NF1: variants seen among roughly 807,000 people sequenced by gnomAD.
The protein encoded by NF1 is neurofibromin 1, also known as neurofibromin.
NF1 carries 122 observed loss-of-function variants against 325.7 expected under a neutral mutation model. That is an observed-to-expected ratio of 0.37 (90% confidence interval 0.32 to 0.44). The LOEUF is 0.44. Ranked by LOEUF, NF1 falls within the 20% of genes least tolerant of loss-of-function variation. NF1 has a pLI of 1.00. For missense variants in NF1, 2,140 were observed against 3,415.4 expected (o/e 0.63, Z 9.31); for synonymous variants, 1,091 against 1,186.0 (o/e 0.92, Z 1.65).
intron 36 of NF1, among the ~76,000 whole-genome samples, chr17:31,300,645 T>G (rs1278383622): frequency 6.6e-6 from 1 of 152,154 alleles, no homozygotes; most frequent in Non-Finnish European, 1.5e-5. Flanking sequence ...TGTTTGCCAG[T>G]AAATCTTTGA....
At chr17:31,231,114 TA>T (rs577557946) in intron 24 of NF1, among the ~76,000 whole-genome samples, 189 bp downstream of exon 24, 7 of 152,168 alleles carry the variant, frequency 4.6e-5, no homozygotes, top group Non-Finnish European at 8.8e-5. Flanking sequence ...TCAGTAAAAT[TA>T]AATGTGAAAG....
chr17:31,251,361 A>G (rs1228251500), intron 30 of NF1: 1 of 204,624 alleles, frequency 4.9e-6, no homozygotes, highest in African/African-American at 2.3e-5. Flanking sequence ...TTTTGAGTTC[A>G]TATCTTGGCC....
chr17:31,110,499 A>G (rs908073754), intron 1 of NF1, among the ~76,000 whole-genome samples: 1 of 152,164 alleles, frequency 6.6e-6, no homozygotes, highest in African/African-American at 2.4e-5. Flanking sequence ...AATAGAGGAA[A>G]TAGACAGCTC....
intron 47 of NF1, among the ~76,000 whole-genome samples, chr17:31,342,408 G>A (rs1226803869): frequency 6.6e-6 from 1 of 152,132 alleles, no homozygotes; most frequent in Non-Finnish European, 1.5e-5. Context: ...GACCAGCCTG[G>A]CCAACATGGT....
rs571049597 is a variant in NF1 at position 31,152,224 on chromosome 17, G to T, written c.61-3759G>T. Among the ~76,000 whole-genome samples, 33 of 151,648 alleles carry T rather than the reference G, an allele frequency of 2.2e-4. No homozygotes were observed. The East Asian group carries it at 6.0e-3, about 28-fold the overall frequency. On this transcript the variant is annotated intron_variant, in intron 1 of 57. Coordinates refer to ENST00000358273, the MANE Select transcript of NF1 (RefSeq NM_001042492.3). ...CCTCTTTCTGCCTGTAAGTTCAAAAGATTTTTTTTTTCTTGTTCACGGAAG... is the reference window on the plus strand; with the variant it reads ...CCTCTTTCTGCCTGTAAGTTCAAAATATTTTTTTTTTCTTGTTCACGGAAG...
chr17:31,142,387 T>TA lies in NF1; in HGVS notation c.61-13590dup, dbSNP rs555200672. On this transcript the variant is annotated intron_variant, in intron 1 of 57. Coordinates refer to ENST00000358273, the MANE Select transcript of NF1 (RefSeq NM_001042492.3). ...GAGAAACTCATAAAAGTAAAAATTTTAAAAAATCACCTTATTCTTACCTCT... is the reference window on the plus strand; with the variant it reads ...GAGAAACTCATAAAAGTAAAAATTTTAAAAAAATCACCTTATTCTTACCTCT... Among the ~76,000 whole-genome samples the TA allele has an allele frequency of 7.8e-3, 1,190 of 152,290 alleles. 21 individuals carry two copies. Among genetic ancestry groups the TA allele is most frequent in the African/African-American group, 0.027 (1,140 of 41,550 alleles).
chr17:31,302,200 C>T (rs1335365064), intron 36 of NF1, among the ~76,000 whole-genome samples: 1 of 152,076 alleles, frequency 6.6e-6, no homozygotes, highest in Non-Finnish European at 1.5e-5. Context: ...TCCTGTTATA[C>T]AAAGAACAGA....
intron 27 of NF1, among the ~76,000 whole-genome samples, chr17:31,235,296 T>A (rs1413832967): frequency 6.6e-6 from 1 of 152,242 alleles, no homozygotes; most frequent in Non-Finnish European, 1.5e-5. Flanking sequence ...ATCTTCTGTT[T>A]CTGCTCTCTT....
chr17:31,328,819 AATCAAGAT>A (rs1255741303), intron 38 of NF1, among the ~76,000 whole-genome samples: 4 of 152,230 alleles, frequency 2.6e-5, no homozygotes, highest in African/African-American at 9.6e-5. Flanking sequence ...AAAAGAAGAA[AATCAAGAT>A]ATGTTTACTT....
rs2067663223 is a variant in NF1, at chr17:31,260,398, C to T, written c.4460C>T (p.Pro1487Leu). ...RFFLDIASDCPTSDAVNHSLS... is the reference protein window; with the variant it reads ...RFFLDIASDCLTSDAVNHSLS... ...TTCCTTGATATAGCATCTGATTGTCCTACAAGTGATGCAGTAAATCATAGT... is the reference window on the plus strand; with the variant it reads ...TTCCTTGATATAGCATCTGATTGTCTTACAAGTGATGCAGTAAATCATAGT... Residue 1487 changes from proline to leucine, a missense_variant, in exon 34 of 58, where the codon CCT becomes CTT. Around this residue, in one of 10 missense-constraint regions of NF1, gnomAD observed 336 missense variants for 399.0 expected, o/e 0.84. Transcript: ENST00000358273. 1 of 1,613,766 alleles carries T rather than the reference C, an allele frequency of 6.2e-7. No homozygotes were observed. The highest frequency in any genetic ancestry group is 1.3e-5 in the African/African-American group (1 of 74,910).
At chr17:31,168,779 A>G (rs1158530627) in intron 4 of NF1, among the ~76,000 whole-genome samples, 3 of 152,192 alleles carry the variant, frequency 2.0e-5, no homozygotes, top group African/African-American at 4.8e-5. Context: ...TATTCATTAT[A>G]CAGTTTCCCA....
At chr17:31,305,659 G>A in intron 36 of NF1, 5 of 1,556,524 alleles carry the variant, frequency 3.2e-6, no homozygotes, top group Non-Finnish European at 4.3e-6. Context: ...GAAAGAGAAA[G>A]ACAGTTAGGC....
At chr17:31,207,941 A>G (rs189887237) in intron 12 of NF1, among the ~76,000 whole-genome samples, 49 of 152,288 alleles carry the variant, frequency 3.2e-4, no homozygotes, top group South Asian at 1.5e-3. Flanking sequence ...TTTAACTTCA[A>G]TATCCACTTT....
chr17:31,202,791 A>G (rs2066553266), intron 11 of NF1, among the ~76,000 whole-genome samples: 1 of 152,200 alleles, frequency 6.6e-6, no homozygotes, highest in Non-Finnish European at 1.5e-5. Context: ...GTATGTTTGT[A>G]TTAAAAACTT....
intron 57 of NF1, among the ~76,000 whole-genome samples, chr17:31,368,519 A>C (rs2070575124): frequency 6.6e-6 from 1 of 152,192 alleles, no homozygotes; most frequent in African/African-American, 2.4e-5. Flanking sequence ...CGCCTCCATG[A>C]ATGTATTTAC....
intron 29 of NF1, among the ~76,000 whole-genome samples, chr17:31,238,963 G>A (rs929656357): frequency 4.6e-5 from 7 of 152,170 alleles, no homozygotes; most frequent in African/African-American, 1.7e-4. Flanking sequence ...TTAACAGAAT[G>A]CCTCACACTA....
Position 31,120,580 on chromosome 17 carries a change from A to G in NF1, c.60+25211A>G, listed in dbSNP as rs1030511520. Reference sequence around the variant, plus strand: ...AGACAGTTTGACTTCATCTTTTCCTATTCAAATACCCTTTATTTTTTTCTC... The same window carrying G: ...AGACAGTTTGACTTCATCTTTTCCTGTTCAAATACCCTTTATTTTTTTCTC... On this transcript the variant is annotated intron_variant, in intron 1 of 57. Coordinates refer to ENST00000358273, the MANE Select transcript of NF1 (RefSeq NM_001042492.3). Among the ~76,000 whole-genome samples the G allele has an allele frequency of 6.6e-5, 10 of 152,298 alleles. 1 individual carries two copies. The highest frequency in any genetic ancestry group is 3.4e-3 in the Middle Eastern group (1 of 294).
chr17:31,236,371 A>G (rs138049623), intron 29 of NF1, among the ~76,000 whole-genome samples: 181 of 152,168 alleles, frequency 1.2e-3, no homozygotes, highest in African/African-American at 4.1e-3. Context: ...CACTTCTTCT[A>G]TGATGAGGAG....
At chr17:31,177,597 A>G (rs897080180) in intron 5 of NF1, among the ~76,000 whole-genome samples, 1 of 152,084 alleles carries the variant, frequency 6.6e-6, no homozygotes, top group Non-Finnish European at 1.5e-5. Context: ...GTTCTAACCC[A>G]ATGCAAGGAA....
Sources: gnomAD v4.1 joint callset for allele counts (sites outside exome capture counted in the v4.1 genomes callset) on GRCh38, gnomAD v4.1.1 for gene constraint, gnomAD v4.1.1 regional missense constraint, MANE v1.5 for transcripts, NCBI Gene and HGNC (gene_info 2026-07-23, HGNC 2026-07-21) for gene names.